The following CSMD2 variants were observed in gnomAD, a reference collection of about 807,000 sequenced individuals.
The protein encoded by CSMD2 is CUB and sushi domain-containing protein 2.
A neutral mutation model predicts 398.5 loss-of-function variants in CSMD2; 130 were observed. That is an observed-to-expected ratio of 0.33 (90% CI 0.28 to 0.38). CSMD2 has a LOEUF of 0.38. Ranked by LOEUF, CSMD2 falls within the 10% of genes least tolerant of loss-of-function variation. The pLI is 1.00. For missense variants in CSMD2, 3,829 were observed against 4,764.9 expected (o/e 0.80, Z 5.78); for synonymous variants, 1,828 against 1,908.5 (o/e 0.96, Z 1.10).
chr1:33,621,941 T>C (rs1461344823), intron 37 of CSMD2, among the ~76,000 whole-genome samples: 1 of 152,214 alleles, frequency 6.6e-6, no homozygotes, highest in East Asian at 1.9e-4. Context: ...CTGGTGTGGA[T>C]ACTGAACAGG....
chr1:33,581,236 T>G (rs1053014159), intron 47 of CSMD2, among the ~76,000 whole-genome samples: 2 of 151,466 alleles, frequency 1.3e-5, no homozygotes, highest in Non-Finnish European at 2.9e-5. Flanking sequence ...CCACCCTACT[T>G]CTCTTGTGTG....
intron 44 of CSMD2, among the ~76,000 whole-genome samples, chr1:33,594,474 T>C (rs1317996724): frequency 1.3e-5 from 2 of 152,180 alleles, no homozygotes; most frequent in African/African-American, 4.8e-5. Context: ...TCCTCACCCT[T>C]ACAAGTTGAA....
intron 18 of CSMD2, 38 bp downstream of exon 18, chr1:33,724,478 A>G (rs772503482): frequency 7.5e-6 from 12 of 1,593,734 alleles, no homozygotes; most frequent in Non-Finnish European, 9.4e-6. Flanking sequence ...GCAGGAGAGG[A>G]GTCTGCTACT....
At chr1:34,049,207 G>A (rs2148216800) in intron 2 of CSMD2, among the ~76,000 whole-genome samples, 1 of 152,280 alleles carries the variant, frequency 6.6e-6, no homozygotes, top group South Asian at 2.1e-4. Context: ...TAGCAAAGAG[G>A]CTTTACCTGT....
At chr1:33,700,252 C>A (rs1645566172) in intron 23 of CSMD2, among the ~76,000 whole-genome samples, 1 of 152,326 alleles carries the variant, frequency 6.6e-6, no homozygotes, top group South Asian at 2.1e-4. Context: ...CGTGATCCAC[C>A]CGCCTTGGCC....
chr1:33,713,561 G>T (rs72662079), intron 21 of CSMD2, among the ~76,000 whole-genome samples: 8,176 of 152,116 alleles, frequency 0.054, 272 homozygotes, highest in East Asian at 0.11. Context: ...TCCGCCCTGG[G>T]GAAAATACTT....
intron 3 of CSMD2, among the ~76,000 whole-genome samples, chr1:33,966,181 C>A (rs376959058): frequency 6.6e-6 from 1 of 152,174 alleles, no homozygotes; most frequent in Non-Finnish European, 1.5e-5. Context: ...AGGAGTCCAG[C>A]CTTGAGCCTC....
At chr1:33,596,304 G>C (rs1440112087) in intron 44 of CSMD2, among the ~76,000 whole-genome samples, 2 of 152,038 alleles carry the variant, frequency 1.3e-5, no homozygotes, top group Non-Finnish European at 2.9e-5. Context: ...CCTGCGCAGA[G>C]CTCTGACACC....
chr1:33,662,437 C>G (rs150373164), intron 26 of CSMD2, among the ~76,000 whole-genome samples: 1 of 152,296 alleles, frequency 6.6e-6, no homozygotes, highest in Non-Finnish European at 1.5e-5. Flanking sequence ...GTTCTTTGCA[C>G]CTAGGATGCC....
chr1:33,860,033 C>A (rs1033878783), intron 5 of CSMD2, among the ~76,000 whole-genome samples: 1 of 152,180 alleles, frequency 6.6e-6, no homozygotes, highest in Admixed American at 6.5e-5. Context: ...ACCCCGATTC[C>A]CTAATGTTGG....
intron 5 of CSMD2, among the ~76,000 whole-genome samples, chr1:33,854,086 TC>T (rs1051622524): frequency 1.3e-5 from 2 of 152,200 alleles, no homozygotes; most frequent in Non-Finnish European, 2.9e-5. Flanking sequence ...CCATCCCCAT[TC>T]TTTTCTTAGC....
At chr1:33,894,675 T>C (rs534113245) in intron 5 of CSMD2, among the ~76,000 whole-genome samples, 1 of 152,346 alleles carries the variant, frequency 6.6e-6, no homozygotes, top group South Asian at 2.1e-4. Flanking sequence ...GTGTCACCTG[T>C]GCTTCCTAAT....
chr1:33,856,074 G>A (rs1348302528), intron 5 of CSMD2, among the ~76,000 whole-genome samples: 2 of 152,216 alleles, frequency 1.3e-5, no homozygotes, highest in African/African-American at 4.8e-5. Context: ...GGATTCCTCT[G>A]AGCAGCAGTG....
chr1:33,788,195 A>T (rs1166972607), intron 12 of CSMD2, among the ~76,000 whole-genome samples: 2 of 152,014 alleles, frequency 1.3e-5, no homozygotes, highest in African/African-American at 4.8e-5. Flanking sequence ...AAGGGGGAGG[A>T]AGCTAGTGCA....
chr1:33,883,051 C>A (rs1343502182), intron 5 of CSMD2, among the ~76,000 whole-genome samples: 2 of 152,200 alleles, frequency 1.3e-5, no homozygotes, highest in African/African-American at 4.8e-5. Flanking sequence ...CTCCTTGACT[C>A]TTCCAATGGT....
At chr1:33,676,320 C>T (rs1387404058) in intron 25 of CSMD2, among the ~76,000 whole-genome samples, 1 of 152,130 alleles carries the variant, frequency 6.6e-6, no homozygotes, top group African/African-American at 2.4e-5. Flanking sequence ...CAATAACAGA[C>T]AAACAGAGAG....
At chr1:33,906,074 C>A (rs565826958) in intron 5 of CSMD2, among the ~76,000 whole-genome samples, 90 of 152,288 alleles carry the variant, frequency 5.9e-4, no homozygotes, top group African/African-American at 2.0e-3. Context: ...GGTGCAACCC[C>A]CTCGAGCCTG....
chr1:33,942,235 T>G (rs1644698703), intron 3 of CSMD2, among the ~76,000 whole-genome samples: 1 of 152,238 alleles, frequency 6.6e-6, no homozygotes, highest in Non-Finnish European at 1.5e-5. Context: ...CACATCACTG[T>G]CTGGGATTCC....
rs182389631 is a variant in CSMD2 at position 33,913,697 on chromosome 1, C to T, written c.920+4397G>A. 2.3e-4 allele frequency among the ~76,000 whole-genome samples: 35 copies of T among 152,272 alleles called. 1 individual carries two copies. Among genetic ancestry groups the T allele is most frequent in the African/African-American group, 6.0e-4 (25 of 41,554 alleles). On this transcript the variant is annotated intron_variant, in intron 5 of 70. Transcript: ENST00000373381. ...GTGTCTCTGCTGACTCCCAAGCCTA[C>T]CCCCTTCCCAGTTCGATGCCATGGT...
Sources: gnomAD v4.1 joint callset for allele counts (sites outside exome capture counted in the v4.1 genomes callset) on GRCh38, gnomAD v4.1.1 for gene constraint, MANE v1.5 for transcripts, NCBI Gene and HGNC (gene_info 2026-07-23, HGNC 2026-07-21) for gene names.